The following ZNFX1 variants were observed in gnomAD, a reference collection of about 807,000 sequenced individuals.
ZNFX1 encodes zinc finger NFX1-type containing 1.
Under a neutral mutation model 179.8 loss-of-function variants are expected in ZNFX1, and 78 were observed. That is an observed-to-expected ratio of 0.43 (90% CI 0.36 to 0.52). The LOEUF (loss-of-function observed/expected upper bound fraction) is 0.52. Among genes scored for constraint, ZNFX1 ranks in the 20% least tolerant of loss-of-function variants. ZNFX1 has a pLI of 0.00. For missense variants in ZNFX1, 1,927 were observed against 2,386.6 expected, an observed-to-expected ratio of 0.81 and a Z score of 4.01; for synonymous variants, 848 against 868.5, an observed-to-expected ratio of 0.98 and a Z score of 0.42.
chr20:49,263,949 C>T (rs1037402804), intron 5 of ZNFX1, among the ~76,000 whole-genome samples: 8 of 151,306 alleles, frequency 5.3e-5, no homozygotes, highest in East Asian at 3.9e-4. Context: ...TTGGGCCGGG[C>T]GCGGTGGCTC....
Position 49,247,436 on chromosome 20 carries a change from G to T in ZNFX1, c.5588C>A (p.Ala1863Asp). 1 of 1,614,116 alleles carries T rather than the reference G, an allele frequency of 6.2e-7. No homozygotes were observed. The highest frequency in any genetic ancestry group is 8.5e-7 in the Non-Finnish European group (1 of 1,180,028). The change falls in exon 14 of 14, where the codon GCC becomes GAC. Residue 1863 changes from alanine (A) to aspartate (D), a missense_variant. Ala to Asp is a moderately radical substitution (Grantham distance 126). Transcript: ENST00000396105. ...GTCAGGACACGTGCCCCTCTCCATGGCTCCCCCACAATCGCCAATCACATA... is the reference window on the plus strand; with the variant it reads ...GTCAGGACACGTGCCCCTCTCCATGTCTCCCCCACAATCGCCAATCACATA... Reference protein sequence around the residue: ...HIYVIGDCGGAMERGTCPDCK... With the variant: ...HIYVIGDCGGDMERGTCPDCK...
intron 5 of ZNFX1, among the ~76,000 whole-genome samples, 186 bp from the exon 6 acceptor site, chr20:49,263,669 G>A (rs1303561687): frequency 6.6e-6 from 1 of 152,238 alleles, no homozygotes; most frequent in Non-Finnish European, 1.5e-5. Context: ...ACTAGTATCG[G>A]TTGAGTGTGG....
At chr20:49,262,627 C>G (rs117183153) in intron 6 of ZNFX1, among the ~76,000 whole-genome samples, 1 of 152,108 alleles carries the variant, frequency 6.6e-6, no homozygotes, top group African/African-American at 2.4e-5. Context: ...ACCTGAATGA[C>G]CTCTGTAAGC....
Position 49,260,475 on chromosome 20 carries a change from G to T in ZNFX1, c.2404C>A (p.Pro802Thr). The T allele has an allele frequency of 6.2e-7, 1 of 1,612,306 alleles. No individual in the cohort carries two copies. Among genetic ancestry groups the T allele is most frequent in the Non-Finnish European group, 8.5e-7 (1 of 1,179,118 alleles). Residue 802 changes from proline (P) to threonine (T), a missense_variant, in exon 7 of 14, where the codon CCT (proline) becomes ACT (threonine). By Grantham distance (38) the Pro-to-Thr change is conservative. Coordinates refer to ENST00000396105, the MANE Select transcript of ZNFX1 (RefSeq NM_021035.3). ...ATGCACTTCTTACCTGTATTCTCAG[G>T]TCCTGCTGGAGAAACACTTTGCGTG... ...SFTQSVSPAG[P>T]ENTAQAEGDE...
In ZNFX1 at chr20:49,271,232, C is replaced by A. The variant is rs776022877; in HGVS notation, c.580G>T (p.Ala194Ser). Residue 194 changes from alanine to serine, a missense_variant, in exon 3 of 14, where the codon GCT becomes TCT. Coordinates refer to ENST00000396105, the MANE Select transcript of ZNFX1 (RefSeq NM_021035.3). ...LELICQVLRK[A>S]CSSKMDRQSV... ...TGGCGATCCATTTTGGAGCTACAAGCCTTCCGAAGAACCTGACAGATGAGC... is the reference window on the plus strand; with the variant it reads ...TGGCGATCCATTTTGGAGCTACAAGACTTCCGAAGAACCTGACAGATGAGC... The A allele has an allele frequency of 1.2e-6, 2 of 1,614,014 alleles. No individual in the cohort carries two copies. Among genetic ancestry groups the A allele is most frequent in the African/African-American group, 1.3e-5 (1 of 74,908 alleles).
intron 5 of ZNFX1, 109 bp from the exon 6 acceptor site, chr20:49,263,592 A>C (rs1568985435): frequency 7.6e-7 from 1 of 1,311,712 alleles, no homozygotes; most frequent in African/African-American, 1.5e-5. Flanking sequence ...AGGAGGGAGA[A>C]TAAATAAATA....
intron 2 of ZNFX1, 92 bp downstream of exon 2, chr20:49,275,686 CA>C: frequency 8.3e-7 from 1 of 1,207,970 alleles, no homozygotes; most frequent in Non-Finnish European, 1.2e-6. Context: ...GAGATGCAGA[CA>C]ATCTTAGGTA....
intron 11 of ZNFX1, 70 bp downstream of exon 11, chr20:49,253,596 C>T (rs1416462024): frequency 6.3e-7 from 1 of 1,590,120 alleles, no homozygotes; most frequent in Non-Finnish European, 8.6e-7. Flanking sequence ...GAAGCAGAGG[C>T]CAGGGTCTTC....
intron 4 of ZNFX1, among the ~76,000 whole-genome samples, chr20:49,265,256 A>G (rs1481360615): frequency 6.6e-6 from 1 of 152,240 alleles, no homozygotes; most frequent in East Asian, 1.9e-4. Flanking sequence ...GCCCAGCACA[A>G]AGCAAGCACC....
chr20:49,249,516 G>C lies in ZNFX1; in HGVS notation c.3508C>G (p.Leu1170Val). The C allele has an allele frequency of 1.2e-6, 2 of 1,614,240 alleles. No homozygotes were observed. The highest frequency in any genetic ancestry group is 1.7e-6 in the Non-Finnish European group (2 of 1,180,042). The change falls in exon 14 of 14, where the codon CTG becomes GTG. Residue 1170 changes from leucine (L) to valine (V), a missense_variant. Leu to Val is a conservative substitution (Grantham distance 32). Coordinates refer to ENST00000396105, the MANE Select transcript of ZNFX1 (RefSeq NM_021035.3). ...CCAGCAAATGTCTTGGCAGGCATCAGTTTGCGCAGGCAGAAGAGCTGCCCG... is the reference window on the plus strand; with the variant it reads ...CCAGCAAATGTCTTGGCAGGCATCACTTTGCGCAGGCAGAAGAGCTGCCCG... ...YTGQLFCLRK[L>V]MPAKTFAGVR... is the part of the protein sequence containing the mutation.
chr20:49,270,037 G>T lies in ZNFX1; in HGVS notation c.1775C>A (p.Ser592Ter). 6.2e-7 allele frequency: 1 copy of T among 1,614,208 alleles called. No individual in the cohort carries two copies. Among genetic ancestry groups the T allele is most frequent in the Non-Finnish European group, 8.5e-7 (1 of 1,180,026 alleles). The change falls in exon 3 of 14, where the codon TCA becomes TAA. Residue 592 changes from serine (S) to a stop codon, truncating the protein, a stop_gained. Transcript: ENST00000396105. LOFTEE classifies it high-confidence loss of function. The surrounding 1 kb of genome is among the most constrained non-coding windows in gnomAD (Gnocchi z 4.6). Reference sequence around the variant, plus strand: ...GTCATCCAGCTTCAGGGCTTCTTTTGAGGGCCACTGGCCAGGATCTAAGAC... The same window carrying T: ...GTCATCCAGCTTCAGGGCTTCTTTTTAGGGCCACTGGCCAGGATCTAAGAC... ...INVLDPGQWP[S>*]KEALKLDDSQ...
Position 49,248,898 on chromosome 20 carries a change from A to G in ZNFX1, c.4126T>C (p.Cys1376Arg). Residue 1376 changes from cysteine (C) to arginine (R), a missense_variant, in exon 14 of 14, where the codon TGC becomes CGC. Physicochemically the swap from Cys to Arg is radical, Grantham distance 180. Coordinates refer to ENST00000396105, the MANE Select transcript of ZNFX1 (RefSeq NM_021035.3). This position sits in a 1 kb window ranked among gnomAD's most constrained non-coding sequence, Gnocchi z 4.6. ...TGCCCACATCTCAGAGACTTGGAGC[A>G]AGGCTCCTGGCAGCAGAAATCTGAC... is the stretch of plus-strand genomic sequence containing the variant. ...PESDFCCQEPCSKSLRCGHRC... is the reference protein window; with the variant it reads ...PESDFCCQEPRSKSLRCGHRC... The G allele has an allele frequency of 1.2e-6, 2 of 1,614,280 alleles. No individual in the cohort carries two copies. The highest frequency in any genetic ancestry group is 1.7e-6 in the Non-Finnish European group (2 of 1,180,050).
chr20:49,259,191 T>C (rs1025938466), intron 7 of ZNFX1, among the ~76,000 whole-genome samples: 4 of 150,964 alleles, frequency 2.6e-5, no homozygotes, highest in Non-Finnish European at 4.4e-5. Context: ...CAAATACATA[T>C]ACAATGGAGG....
intron 3 of ZNFX1, 106 bp from the exon 4 acceptor site, chr20:49,266,372 T>A (rs1981233878): frequency 9.0e-7 from 1 of 1,116,384 alleles, no homozygotes; most frequent in Non-Finnish European, 1.2e-6. Flanking sequence ...ATTAAGATAG[T>A]TTAAAATCTA....
chr20:49,261,967 A>G (rs1345111066), intron 6 of ZNFX1, among the ~76,000 whole-genome samples: 2 of 151,638 alleles, frequency 1.3e-5, no homozygotes, highest in African/African-American at 2.4e-5. Flanking sequence ...AAGTTTACCT[A>G]CGTAACAAAC....
At chr20:49,274,354 GATA>G (rs1489863912) in intron 2 of ZNFX1, among the ~76,000 whole-genome samples, 1 of 152,208 alleles carries the variant, frequency 6.6e-6, no homozygotes, top group African/African-American at 2.4e-5. Flanking sequence ...ATTAAAGTAT[GATA>G]ATAAACTATA....
Position 49,266,200 on chromosome 20 carries a change from C to T in ZNFX1, c.1937G>A (p.Ser646Asn), listed in dbSNP as rs776680944. 1.2e-6 allele frequency: 2 copies of T among 1,613,114 alleles called. No individual in the cohort carries two copies. Among genetic ancestry groups the T allele is most frequent in the Non-Finnish European group, 8.5e-7 (1 of 1,179,658 alleles). The change falls in exon 4 of 14, where the codon AGC (serine) becomes AAC (asparagine). Residue 646 changes from serine (S) to asparagine (N), a missense_variant. By Grantham distance (46) the Ser-to-Asn change is conservative. Transcript: ENST00000396105. The part of the protein sequence containing the change: ...LLTNESVWQI[S>N]LQKFPILVVC... ...AACCAAGATGGGGAACTTCTGGAGG[C>T]TAATTTGCCAAACAGACTCGTTGGT...
chr20:49,257,345 G>C, intron 8 of ZNFX1, 72 bp downstream of exon 8: 11 of 1,586,130 alleles, frequency 6.9e-6, no homozygotes, highest in Non-Finnish European at 9.5e-6. Flanking sequence ...TGAATATACT[G>C]TATCAGAAGT....
chr20:49,247,521 T>A lies in ZNFX1; in HGVS notation c.5503A>T (p.Ile1835Phe), dbSNP rs1330462707. Reference protein sequence around the residue: ...LGISEEERVQIVSAIGYPRGH... With the variant: ...LGISEEERVQFVSAIGYPRGH... ...CGAGGATAACCTATGGCACTGACAA[T>A]CTGCACTCGCTCTTCCTCTGAGATG... The change falls in exon 14 of 14, where the codon ATT (isoleucine) becomes TTT (phenylalanine). Residue 1835 changes from isoleucine (I) to phenylalanine (F), a missense_variant. By Grantham distance (21) the Ile-to-Phe change is conservative (BLOSUM62 0). Coordinates refer to ENST00000396105, the MANE Select transcript of ZNFX1 (RefSeq NM_021035.3). 1 of 1,614,106 alleles carries A rather than the reference T, an allele frequency of 6.2e-7. No homozygotes were observed.
Sources: allele counts gnomAD v4.1 joint callset (sites outside exome capture counted in the v4.1 genomes callset), GRCh38; gene constraint gnomAD v4.1.1; non-coding constraint Gnocchi (gnomAD v3.1); transcripts MANE v1.5; gene names NCBI Gene and HGNC (gene_info 2026-07-23, HGNC 2026-07-21).